ANKRD7: variants seen among roughly 807,000 people sequenced by gnomAD.
The protein encoded by ANKRD7 is ankyrin repeat domain-containing protein 7.
ANKRD7 carries 30 observed loss-of-function variants against 30.8 expected under a neutral mutation model. The ratio of observed to expected loss-of-function variants is 0.97; its 90% CI spans 0.73 to 1.32. The LOEUF (loss-of-function observed/expected upper bound fraction) is 1.32. ANKRD7 is among the 40% of genes most tolerant of loss of function. ANKRD7 has a pLI of 0.00. For synonymous variants in ANKRD7, 97 were observed against 106.6 expected, an observed-to-expected ratio of 0.91 and a Z score of 0.55; for missense variants, 264 against 295.7, an observed-to-expected ratio of 0.89 and a Z score of 0.79.
intron 4 of ANKRD7, among the ~76,000 whole-genome samples, 183 bp downstream of exon 4, chr7:118,236,330 A>C (rs1355575847): frequency 1.3e-5 from 2 of 151,966 alleles, no homozygotes; most frequent in African/African-American, 4.8e-5. Context: ...AGATTACCTA[A>C]ACTTTTAGGA....
At chr7:118,232,077 G>A (rs1391460997) in intron 1 of ANKRD7, among the ~76,000 whole-genome samples, 1 of 152,016 alleles carries the variant, frequency 6.6e-6, no homozygotes, top group Non-Finnish European at 1.5e-5. Flanking sequence ...TCAAAAAATA[G>A]AATGGCCTCT....
rs753538996 is a variant in ANKRD7 at position 118,236,048 on chromosome 7, A to G, written c.476A>G (p.Tyr159Cys). ...TTTAAATATTTTTTTCAGGATGGGT[A>G]TACTCCACTATTAGTTGCCGTTATT... is the stretch of plus-strand genomic sequence containing the variant. ...ADLEAKNKDGYTPLLVAVINN... is the reference protein window; with the variant it reads ...ADLEAKNKDGCTPLLVAVINN... Residue 159 changes from tyrosine (Y) to cysteine (C), a missense_variant, in exon 4 of 7, where the codon TAT becomes TGT. Physicochemically the swap from Tyr to Cys is radical, Grantham distance 194 (BLOSUM62 -2). Transcript: ENST00000265224. 35 of 1,552,550 alleles carry G rather than the reference A, an allele frequency of 2.3e-5. No individual in the cohort carries two copies. Among genetic ancestry groups the G allele is most frequent in the South Asian group, 4.6e-5 (4 of 87,620 alleles).
At chr7:118,239,045 C>T (rs1809779727) in intron 5 of ANKRD7, among the ~76,000 whole-genome samples, 1 of 152,118 alleles carries the variant, frequency 6.6e-6, no homozygotes, top group Non-Finnish European at 1.5e-5. Flanking sequence ...CAGGGGTGCT[C>T]ATGCTCAGAG....
chr7:118,225,039 G>T (rs1439021037), intron 1 of ANKRD7, 30 bp downstream of exon 1: 2 of 1,611,588 alleles, frequency 1.2e-6, no homozygotes, highest in African/African-American at 2.7e-5. Context: ...AGCGCGGGAG[G>T]ACGGGTTGGG....
chr7:118,236,029 T>C lies in ANKRD7; in HGVS notation c.469-12T>C. On this transcript the variant is annotated splice_polypyrimidine_tract_variant and intron_variant, in intron 3 of 6. Transcript: ENST00000265224. ...CTACAATATTTTAATCATTTTTAAATATTTTTTTCAGGATGGGTATACTCC... is the reference window on the plus strand; with the variant it reads ...CTACAATATTTTAATCATTTTTAAACATTTTTTTCAGGATGGGTATACTCC... 1 of 1,394,778 alleles carries C rather than the reference T, an allele frequency of 7.2e-7. No homozygotes were observed. The highest frequency in any genetic ancestry group is 9.9e-7 in the Non-Finnish European group (1 of 1,007,496). The allele number at this position is 1,394,778 out of a possible 1,614,324, so 86.4% of individuals were successfully genotyped here.
intron 5 of ANKRD7, among the ~76,000 whole-genome samples, chr7:118,239,616 C>A (rs1195160559): frequency 6.6e-6 from 1 of 152,108 alleles, no homozygotes; most frequent in Non-Finnish European, 1.5e-5. Context: ...TGTTATGGCA[C>A]CTCTAGCAAA....
Position 118,224,739 on chromosome 7 carries a change from G to A in ANKRD7, c.-92G>A. On this transcript the variant is annotated 5_prime_UTR_variant, in exon 1 of 7. Transcript: ENST00000265224. ...CTTTCGTCAGGTACTGGAGAGGGCT[G>A]CCGGCCGGATGCCAGGGCAGAGGGG... 6.6e-7 allele frequency: 1 copy of A among 1,520,262 alleles called. No homozygotes were observed. Among genetic ancestry groups the A allele is most frequent in the Non-Finnish European group, 8.8e-7 (1 of 1,138,836 alleles). 94.2% of individuals were successfully genotyped at this position (1,520,262 alleles called of 1,614,324 possible). A position where few individuals can be genotyped will look rare whatever the true frequency, so the allele number is the denominator to read the frequency against.
chr7:118,231,395 T>C (rs1809636269), intron 1 of ANKRD7, among the ~76,000 whole-genome samples: 1 of 151,982 alleles, frequency 6.6e-6, no homozygotes, highest in South Asian at 2.1e-4. Context: ...ACTTGGTGAG[T>C]GGAGGCCCAA....
intron 1 of ANKRD7, among the ~76,000 whole-genome samples, chr7:118,229,493 G>A (rs978667422): frequency 7.2e-5 from 11 of 151,938 alleles, no homozygotes; most frequent in Non-Finnish European, 1.5e-4. Flanking sequence ...CATAGTGAGC[G>A]CTTAATATTT....
In ANKRD7 at chr7:118,239,911, A is replaced by G. The variant is rs1251848979; in HGVS notation, c.715A>G (p.Arg239Gly). The change falls in exon 6 of 7, where the codon AGA becomes GGA. Residue 239 changes from arginine to glycine, a missense_variant and splice_region_variant. Coordinates refer to ENST00000265224, the MANE Select transcript of ANKRD7 (RefSeq NM_019644.4). ...TTCACACGTAATTTCCTTTATAGATAGATACCCACAATTCACTGCGAGCCA... is the reference window on the plus strand; with the variant it reads ...TTCACACGTAATTTCCTTTATAGATGGATACCCACAATTCACTGCGAGCCA... ...NMFISMVLLH[R>G]YPQFTASHGK... The G allele has an allele frequency of 1.9e-6, 3 of 1,589,324 alleles. No individual in the cohort carries two copies. Among genetic ancestry groups the G allele is most frequent in the Non-Finnish European group, 2.6e-6 (3 of 1,163,130 alleles).
chr7:118,234,373 A>G (rs1421387089), intron 1 of ANKRD7, 58 bp from the exon 2 acceptor site: 22 of 1,219,246 alleles, frequency 1.8e-5, no homozygotes, highest in Non-Finnish European at 2.2e-5. Flanking sequence ...TGGGTAAAAC[A>G]AGTAACTTCT....
At chr7:118,239,336 G>A (rs1809783619) in intron 5 of ANKRD7, among the ~76,000 whole-genome samples, 1 of 152,148 alleles carries the variant, frequency 6.6e-6, no homozygotes, top group Admixed American at 6.5e-5. Flanking sequence ...AGTGCTTGAT[G>A]ATATCAGGTG....
chr7:118,224,966 C>T lies in ANKRD7; in HGVS notation c.136C>T (p.Gln46Ter). The change falls in exon 1 of 7, where the codon CAG becomes TAG. Residue 46 changes from glutamine (Q) to a stop codon, truncating the protein, a stop_gained. Coordinates refer to ENST00000265224, the MANE Select transcript of ANKRD7 (RefSeq NM_019644.4). LOFTEE classifies it high-confidence loss of function. Reference protein sequence around the residue: ...GDLKKLKEYLQIKKYDVNMQD... With the variant: ...GDLKKLKEYL ...TTTGAAGAAGCTGAAGGAATACCTT[C>T]AGATCAAGAAATATGATGTAAATAT... 6.2e-7 allele frequency: 1 copy of T among 1,614,096 alleles called. No individual in the cohort carries two copies. The highest frequency in any genetic ancestry group is 8.5e-7 in the Non-Finnish European group (1 of 1,180,006).
intron 3 of ANKRD7, 109 bp downstream of exon 3, chr7:118,234,983 C>T (rs1809702845): frequency 1.1e-6 from 1 of 945,320 alleles, no homozygotes; most frequent in African/African-American, 1.7e-5. Flanking sequence ...CATGAATTTT[C>T]CAAACTAAAA....
intron 1 of ANKRD7, among the ~76,000 whole-genome samples, chr7:118,228,177 T>G (rs1373225788): frequency 6.6e-6 from 1 of 152,200 alleles, no homozygotes; most frequent in African/African-American, 2.4e-5. Flanking sequence ...TTTGCTGGTT[T>G]CTCTTCATCT....
chr7:118,230,651 TAGAG>T (rs145201143), intron 1 of ANKRD7, among the ~76,000 whole-genome samples: 16 of 148,842 alleles, frequency 1.1e-4, no homozygotes, highest in Admixed American at 2.7e-4. Flanking sequence ...TGTGTGTGTG[TAGAG>T]AGAGAGAGAG....
At chr7:118,225,579 A>G (rs1043837569) in intron 1 of ANKRD7, among the ~76,000 whole-genome samples, 1 of 151,852 alleles carries the variant, frequency 6.6e-6, no homozygotes, top group Non-Finnish European at 1.5e-5. Context: ...CTGGCAGTCC[A>G]TCTTTTCCCC....
intron 1 of ANKRD7, among the ~76,000 whole-genome samples, chr7:118,233,757 G>A (rs956519812): frequency 6.6e-6 from 1 of 152,086 alleles, no homozygotes; most frequent in African/African-American, 2.4e-5. Flanking sequence ...TATCACCTTA[G>A]AAGTAGATAA....
intron 3 of ANKRD7, among the ~76,000 whole-genome samples, chr7:118,235,569 G>A (rs1016862951): frequency 4.4e-5 from 6 of 137,262 alleles, no homozygotes; most frequent in African/African-American, 8.4e-5. Flanking sequence ...CCAAGATTGC[G>A]CCACTGCACT....
Sources: allele counts gnomAD v4.1 joint callset (sites outside exome capture counted in the v4.1 genomes callset), GRCh38; gene constraint gnomAD v4.1.1; transcripts MANE v1.5; gene names NCBI Gene and HGNC (gene_info 2026-07-23, HGNC 2026-07-21).